GPM6B: variants seen among roughly 807,000 people sequenced by gnomAD.
The protein encoded by GPM6B is glycoprotein M6B.
GPM6B carries 4 observed loss-of-function variants against 27.2 expected under a neutral mutation model. The observed-to-expected ratio is 0.15, with a 90% CI of 0.07 to 0.34. GPM6B has a LOEUF of 0.34. GPM6B is among the 10% of genes least tolerant of loss of function. The pLI is 1.00. For synonymous variants in GPM6B, 124 were observed against 103.1 expected (o/e 1.20, Z -1.23); for missense variants, 183 against 261.9 (o/e 0.70, Z 2.08).
upstream of GPM6B, among the ~76,000 whole-genome samples, chrX:13,822,088 G>A (rs1449217352): frequency 9.0e-6 from 1 of 111,572 alleles, no homozygotes; most frequent in South Asian, 3.8e-4. Context: ...TCAGGGGGCA[G>A]TCATTAATCA....
Position 13,835,193 on chromosome X carries a change from G to A in GPM6B, c.-197-49385C>T, listed in dbSNP as rs148135619. Among the ~76,000 whole-genome samples, 25 of 111,130 alleles carry A rather than the reference G, an allele frequency of 2.2e-4. 1 individual carries two copies. Among genetic ancestry groups the A allele is most frequent in the African/African-American group, 6.9e-4 (21 of 30,596 alleles). ...CCAGTATAGACCCAGCATCTAGCCC[G>A]GGACAACTATTATTGGTGTTGCTAA... is the stretch of plus-strand genomic sequence containing the variant. On this transcript the variant is annotated intron_variant, in intron 1 of 6. Transcript: ENST00000398361.
At chrX:13,924,203 C>T (rs1921060018) in intron 1 of GPM6B, among the ~76,000 whole-genome samples, 1 of 112,427 alleles carries the variant, frequency 8.9e-6, no homozygotes, top group African/African-American at 3.2e-5. Flanking sequence ...AATCACTTAC[C>T]GGGTGTGAAA....
At position 13,912,697 on chromosome X, in the gene GPM6B, C is replaced by CT. The variant is rs767698471; in HGVS notation, c.-198+25629dup. On this transcript the variant is annotated intron_variant, in intron 1 of 6. Coordinates refer to the GPM6B transcript ENST00000398361. ...TGAAAGAAATAGTTGGGGCACTTAG[C>CT]TTAGGGAGGGCAGGAATTCCTACTT... Among the ~76,000 whole-genome samples, 803 of 112,217 alleles carry CT rather than the reference C, an allele frequency of 7.2e-3. 3 individuals carry two copies. The highest frequency in any genetic ancestry group is 0.01 in the Non-Finnish European group (551 of 53,172).
intron 1 of GPM6B, among the ~76,000 whole-genome samples, chrX:13,844,755 T>C (rs1306489621): frequency 8.9e-6 from 1 of 111,758 alleles, no homozygotes; most frequent in Non-Finnish European, 1.9e-5. Flanking sequence ...CTACAAGTGG[T>C]TCCCCCTCAA....
intron 3 of GPM6B, 50 bp downstream of exon 3, chrX:13,785,572 G>A (rs1263831388): frequency 9.0e-7 from 1 of 1,111,432 alleles, no homozygotes. Context: ...ACAGGCATGA[G>A]CCACCACGCC....
chrX:13,822,944 C>T, intron 1 of GPM6B, among the ~76,000 whole-genome samples: 1 of 112,200 alleles, frequency 8.9e-6, no homozygotes, highest in East Asian at 2.8e-4. Flanking sequence ...ATGTGACTGT[C>T]TACATTTGGG....
At chrX:13,850,803 T>G (rs2049706868) in intron 1 of GPM6B, among the ~76,000 whole-genome samples, 1 of 112,411 alleles carries the variant, frequency 8.9e-6, no homozygotes, top group Non-Finnish European at 1.9e-5. Flanking sequence ...GTATCGTTAT[T>G]TAAAATATTT....
intron 2 of GPM6B, among the ~76,000 whole-genome samples, chrX:13,802,321 C>A (rs776650926): frequency 9.0e-6 from 1 of 110,729 alleles, no homozygotes; most frequent in Non-Finnish European, 1.9e-5. Context: ...CAATACTCAT[C>A]GATCTGCTTT....
At chrX:13,905,241 A>G (rs1361785154) in intron 1 of GPM6B, among the ~76,000 whole-genome samples, 2 of 107,734 alleles carry the variant, frequency 1.9e-5, no homozygotes, top group Non-Finnish European at 3.8e-5. Context: ...AAAAAAAAAA[A>G]AAAAAGAAAA....
intron 1 of GPM6B, among the ~76,000 whole-genome samples, chrX:13,849,548 C>G (rs1425967136): frequency 8.9e-6 from 1 of 112,469 alleles, no homozygotes; most frequent in Admixed American, 9.4e-5. Context: ...CCATTGATTA[C>G]TCTGGATTAC....
At chrX:13,782,775 A>AAG (rs1555911106) in intron 4 of GPM6B, among the ~76,000 whole-genome samples, 23 of 24,432 alleles carry the variant, frequency 9.4e-4, no homozygotes, top group African/African-American at 3.9e-3. Flanking sequence ...AAAAAAAAAG[A>AAG]AAAAAAAAAA....
chrX:13,926,437 A>C (rs1028492545), intron 1 of GPM6B, among the ~76,000 whole-genome samples: 1 of 19,248 alleles, frequency 5.2e-5, no homozygotes, highest in African/African-American at 2.4e-4. Flanking sequence ...AAAAAAAAAA[A>C]CACACAAAAA....
rs975983633 is a variant in GPM6B, at chrX:13,813,838, C to T, written c.61+3006G>A. Among the ~76,000 whole-genome samples the T allele has an allele frequency of 2.7e-5, 3 of 112,135 alleles. No individual in the cohort carries two copies. In the Admixed American group the frequency reaches 2.8e-4, roughly 11 times the overall value. On this transcript the variant is annotated intron_variant, in intron 1 of 7. Coordinates refer to ENST00000316715, the MANE Select transcript of GPM6B (RefSeq NM_001001995.3). The stretch of plus-strand genomic sequence containing the variant: ...CTTACTCAATCTTCACACTTTAATG[C>T]TTTTAATTTAAAAACTATCATTTGT...
At position 13,889,879 on chromosome X, in the gene GPM6B, C is replaced by T. The variant is rs750461271; in HGVS notation, c.-198+48448G>A. On this transcript the variant is annotated intron_variant, in intron 1 of 6. Coordinates refer to the GPM6B transcript ENST00000398361. ...CTTTGGAAGCTTGTATTTCAATAGC[C>T]TAATTTTACAGGGGAGGAAGACTGA... Among the ~76,000 whole-genome samples, 60 of 110,241 alleles carry T rather than the reference C, an allele frequency of 5.4e-4. No individual in the cohort carries two copies. The South Asian group carries it at 0.021, about 38-fold the overall frequency.
At chrX:13,845,551 T>C (rs1489016142) in intron 1 of GPM6B, among the ~76,000 whole-genome samples, 1 of 112,304 alleles carries the variant, frequency 8.9e-6, no homozygotes, top group African/African-American at 3.2e-5. Context: ...TTTGTATATA[T>C]ATTTAACTTA....
intron 1 of GPM6B, among the ~76,000 whole-genome samples, chrX:13,922,562 C>A (rs1483323253): frequency 3.6e-5 from 4 of 112,156 alleles, no homozygotes; most frequent in Non-Finnish European, 5.6e-5. Flanking sequence ...ACCAGGTCGA[C>A]CTTTTGAATC....
At chrX:13,794,158 A>G (rs1440901877) in intron 2 of GPM6B, among the ~76,000 whole-genome samples, 7 of 109,486 alleles carry the variant, frequency 6.4e-5, no homozygotes, top group South Asian at 8.0e-4. Context: ...GACCTCTGTT[A>G]AAGAGCAGTG....
intron 1 of GPM6B, among the ~76,000 whole-genome samples, chrX:13,917,348 C>T (rs1217730063): frequency 1.8e-5 from 2 of 112,778 alleles, no homozygotes; most frequent in African/African-American, 3.2e-5. Context: ...CAATAACCTT[C>T]TGTTAGTTCT....
upstream of GPM6B, among the ~76,000 whole-genome samples, chrX:13,819,558 G>A (rs765346528): frequency 8.9e-6 from 1 of 112,224 alleles, no homozygotes; most frequent in South Asian, 3.7e-4. Flanking sequence ...ATATGAAATT[G>A]CTGATATTGA....
Sources: allele counts gnomAD v4.1 joint callset (sites outside exome capture counted in the v4.1 genomes callset), GRCh38; gene constraint gnomAD v4.1.1; transcripts MANE v1.5; gene names NCBI Gene and HGNC (gene_info 2026-07-23, HGNC 2026-07-21).